TM6SF2: variants seen among roughly 807,000 people sequenced by gnomAD.
TM6SF2 encodes transmembrane 6 superfamily member 2.
Under a neutral mutation model 41.0 loss-of-function variants are expected in TM6SF2, and 29 were observed. The observed-to-expected ratio is 0.71, with a 90% CI of 0.53 to 0.96. The LOEUF (loss-of-function observed/expected upper bound fraction) is 0.96, where lower values mean the gene tolerates loss of function less well. Among genes scored for constraint, TM6SF2 ranks in the 50% least tolerant of loss-of-function variants. The probability of loss-of-function intolerance (pLI) is 0.00; values close to 1 mark genes in which losing one functional copy is unlikely to be tolerated. For synonymous variants in TM6SF2, 200 were observed against 209.1 expected (o/e 0.96, Z 0.37); for missense variants, 475 against 499.0 (o/e 0.95, Z 0.46).
chr19:19,267,380 A>AG (rs1208751986), intron 8 of TM6SF2, among the ~76,000 whole-genome samples: 78 of 99,952 alleles, frequency 7.8e-4, no homozygotes, highest in Middle Eastern at 4.5e-3. Flanking sequence ...AAAAAAAAAA[A>AG]AAAAAGAAAA....
intron 8 of TM6SF2, 109 bp downstream of exon 8, chr19:19,267,512 C>T (rs2061007435): frequency 2.6e-6 from 2 of 774,020 alleles, no homozygotes; most frequent in Non-Finnish European, 4.1e-6. Context: ...CAGTAAATTC[C>T]ATATGGGCTT....
rs771388055 is a variant in TM6SF2 at position 19,270,249 on chromosome 19, C to A, written c.325G>T (p.Gly109Ter). The A allele has an allele frequency of 6.2e-6, 10 of 1,614,108 alleles. No homozygotes were observed. The highest frequency in any genetic ancestry group is 4.5e-5 in the East Asian group (2 of 44,898). ...EGEPYLRTAH[G>*]VFICYWDGTV... ...CCATCCCAGTAGCAGATGAAGACTC[C>A]GTGCGCTGTGCGCAGGTATGGCTCT... Residue 109 changes from glycine (G) to a stop codon, truncating the protein, a stop_gained, in exon 4 of 10, where the codon GGA (glycine) becomes TGA (stop). Coordinates refer to ENST00000389363, the MANE Select transcript of TM6SF2 (RefSeq NM_001001524.3). LOFTEE classifies it high-confidence loss of function.
In TM6SF2 at chr19:19,267,975, C is replaced by T. The variant is rs772230256; in HGVS notation, c.711+11G>A. ...GGCAGGGGAGGGGGAGACCAACCAGCGCAGACTCACCAGGCCCCGGAACAG... is the reference window on the plus strand; with the variant it reads ...GGCAGGGGAGGGGGAGACCAACCAGTGCAGACTCACCAGGCCCCGGAACAG... On this transcript the variant is annotated intron_variant, in intron 7 of 9. Coordinates refer to ENST00000389363, the MANE Select transcript of TM6SF2 (RefSeq NM_001001524.3). 23 of 1,548,920 alleles carry T rather than the reference C, an allele frequency of 1.5e-5. No homozygotes were observed. Among genetic ancestry groups the T allele is most frequent in the Admixed American group, 6.9e-5 (4 of 58,370 alleles).
Position 19,264,813 on chromosome 19 carries a change from G to A in TM6SF2, c.985C>T (p.Pro329Ser). Reference sequence around the variant, plus strand: ...AAGAAGCAGCCCCAGGTGTCCTCAGGCACACGGTAGGTGAAGGGTGTGCGC... The same window carrying A: ...AAGAAGCAGCCCCAGGTGTCCTCAGACACACGGTAGGTGAAGGGTGTGCGC... ...HLRTPFTYRV[P>S]EDTWGCFFVC... is the part of the protein sequence containing the mutation. The change falls in exon 10 of 10, where the codon CCT (proline) becomes TCT (serine). Residue 329 changes from proline (P) to serine (S), a missense_variant. This residue lies in a region of TM6SF2 where 190 missense variants were observed against 190.2 expected (regional missense o/e 1.00). Coordinates refer to ENST00000389363, the MANE Select transcript of TM6SF2 (RefSeq NM_001001524.3). The A allele has an allele frequency of 2.5e-6, 4 of 1,607,918 alleles. No individual in the cohort carries two copies. The highest frequency in any genetic ancestry group is 1.1e-5 in the South Asian group (1 of 89,840).
chr19:19,265,061 A>C (rs1252660666), intron 9 of TM6SF2, among the ~76,000 whole-genome samples, 188 bp from the exon 10 acceptor site: 2 of 83,836 alleles, frequency 2.4e-5, no homozygotes, highest in South Asian at 3.9e-4. Flanking sequence ...TTTTTTTTTG[A>C]GACACAGTCT....
intron 1 of TM6SF2, 24 bp downstream of exon 1, chr19:19,273,097 G>A (rs1357718435): frequency 1.0e-5 from 5 of 491,478 alleles, no homozygotes; most frequent in East Asian, 1.8e-4. Flanking sequence ...CCCCAAGGCC[G>A]CCCTGGCCCC....
intron 9 of TM6SF2, among the ~76,000 whole-genome samples, chr19:19,265,415 C>CATCT (rs146850861): frequency 1.0e-5 from 1 of 97,072 alleles, no homozygotes; most frequent in African/African-American, 3.9e-5. Context: ...TCCATCCATC[C>CATCT]ATCTATCTAT....
At position 19,270,334 on chromosome 19, in the gene TM6SF2, C is replaced by G; in HGVS notation, c.297+11G>C. 1.2e-6 allele frequency: 2 copies of G among 1,613,986 alleles called. No individual in the cohort carries two copies. The highest frequency in any genetic ancestry group is 1.7e-6 in the Non-Finnish European group (2 of 1,179,932). ...GTGCGGTAGGGGGCTCCCTGGTCGT[C>G]CCCCAAGTACCTCCTTGGTGTAGAA... On this transcript the variant is annotated intron_variant, in intron 3 of 9. Coordinates refer to ENST00000389363, the MANE Select transcript of TM6SF2 (RefSeq NM_001001524.3).
In TM6SF2 at chr19:19,270,436, GC is replaced by G; in HGVS notation, c.205del (p.Ala69LeufsTer82). ...CACAACCGAGGTGAAGGCGAAGACA[GC>G]GAAGACTGCAGTGAGTGGGCGGGCC... ...VSYDPLYAVF[A>X]VFAFTSVVDL... On this transcript the variant is annotated frameshift_variant, in exon 3 of 10. Coordinates refer to ENST00000389363, the MANE Select transcript of TM6SF2 (RefSeq NM_001001524.3). LOFTEE classifies it high-confidence loss of function. 2 of 1,610,066 alleles carry G rather than the reference GC, an allele frequency of 1.2e-6. No homozygotes were observed. The highest frequency in any genetic ancestry group is 1.1e-5 in the South Asian group (1 of 90,450).
intron 8 of TM6SF2, 116 bp from the exon 9 acceptor site, chr19:19,266,725 C>G: frequency 7.8e-7 from 1 of 1,284,808 alleles, no homozygotes; most frequent in Non-Finnish European, 1.1e-6. Context: ...GCCTCAGACC[C>G]CACCCAGGCT....
In TM6SF2 at chr19:19,266,724, C is replaced by T; in HGVS notation, c.805-115G>A. On this transcript the variant is annotated intron_variant, in intron 8 of 9. Coordinates refer to ENST00000389363, the MANE Select transcript of TM6SF2 (RefSeq NM_001001524.3). ...AGGAAGGATCTGGATGGCCTCAGACCCCACCCAGGCTCTCTGCAAAGTGCT... is the reference window on the plus strand; with the variant it reads ...AGGAAGGATCTGGATGGCCTCAGACTCCACCCAGGCTCTCTGCAAAGTGCT... 5 of 1,281,784 alleles carry T rather than the reference C, an allele frequency of 3.9e-6. No homozygotes were observed. The South Asian group carries it at 4.5e-5, about 12-fold the overall frequency. 79.4% of individuals were successfully genotyped at this position (1,281,784 alleles called of 1,614,324 possible). A position where few individuals can be genotyped will look rare whatever the true frequency, so the allele number is the denominator to read the frequency against.
At chr19:19,269,077 C>G (rs2061013749) in intron 5 of TM6SF2, among the ~76,000 whole-genome samples, 1 of 152,098 alleles carries the variant, frequency 6.6e-6, no homozygotes, top group Non-Finnish European at 1.5e-5. Context: ...TGGAGACCAG[C>G]CTGAGCAACA....
intron 8 of TM6SF2, chr19:19,266,814 T>G (rs926286738): frequency 7.5e-6 from 4 of 531,772 alleles, no homozygotes; most frequent in Admixed American, 3.4e-5. Context: ...CTACTAACCT[T>G]TCTCTGAAAG....
intron 5 of TM6SF2, 79 bp from the exon 6 acceptor site, chr19:19,268,833 G>A (rs2061012806): frequency 2.0e-6 from 3 of 1,480,106 alleles, no homozygotes; most frequent in African/African-American, 1.5e-5. Context: ...TTCTGAGACA[G>A]AGTCTTGCTC....
chr19:19,273,058 T>TCCCCCCCCCCC, intron 1 of TM6SF2, 63 bp downstream of exon 1: 1 of 470,242 alleles, frequency 2.1e-6, no homozygotes. Context: ...CCACCTCCAG[T>TCCCCCCCCCCC]CCTCCCCGCC....
chr19:19,268,201 CTTTTTTCTT>C, intron 6 of TM6SF2, 114 bp from the exon 7 acceptor site: 1 of 670,408 alleles, frequency 1.5e-6, no homozygotes, highest in South Asian at 2.4e-5. Context: ...TCTTTTTTTT[CTTTTTTCTT>C]TTTTTTTTTT....
chr19:19,270,282 G>T lies in TM6SF2; in HGVS notation c.298-6C>A, dbSNP rs1183656565. On this transcript the variant is annotated splice_polypyrimidine_tract_variant and splice_region_variant and intron_variant, in intron 3 of 9. Transcript: ENST00000389363. ...GTGCGCAGGTATGGCTCTCCCTGTG[G>T]GGGCAGGTGGGAGACTCAGACGGGC... The T allele has an allele frequency of 5.6e-6, 9 of 1,614,098 alleles. No individual in the cohort carries two copies. The highest frequency in any genetic ancestry group is 7.6e-6 in the Non-Finnish European group (9 of 1,180,040).
intron 1 of TM6SF2, among the ~76,000 whole-genome samples, chr19:19,272,246 AAG>A (rs2061026549): frequency 6.6e-6 from 1 of 152,188 alleles, no homozygotes; most frequent in African/African-American, 2.4e-5. Flanking sequence ...CTCAGAACCC[AAG>A]ATTTCCATCC....
intron 9 of TM6SF2, among the ~76,000 whole-genome samples, chr19:19,265,646 T>C (rs764166050): frequency 1.1e-4 from 17 of 152,298 alleles, no homozygotes; most frequent in African/African-American, 2.9e-4. Flanking sequence ...CTCAGACTCC[T>C]GGGCTCAAGC....
Sources: gnomAD v4.1 joint callset for allele counts (sites outside exome capture counted in the v4.1 genomes callset) on GRCh38, gnomAD v4.1.1 for gene constraint, gnomAD v4.1.1 regional missense constraint, MANE v1.5 for transcripts, NCBI Gene and HGNC (gene_info 2026-07-23, HGNC 2026-07-21) for gene names.